Variants in ZNF385D observed in about 807,000 individuals in gnomAD.
ZNF385D encodes the protein zinc finger protein 659.
In ZNF385D, 15 loss-of-function variants were observed where a neutral mutation model predicts 35.8. The ratio of observed to expected loss-of-function variants is 0.42; its 90% CI spans 0.28 to 0.64. The LOEUF (loss-of-function observed/expected upper bound fraction) is 0.64. Ranked by LOEUF, ZNF385D falls within the 30% of genes least tolerant of loss-of-function variation. The pLI is 0.23. For missense variants in ZNF385D, 474 were observed against 494.6 expected, an observed-to-expected ratio of 0.96 and a Z score of 0.39; for synonymous variants, 212 against 186.8, an observed-to-expected ratio of 1.13 and a Z score of -1.10.
At chr3:22,158,677 C>T (rs920926589) in intron 3 of ZNF385D, among the ~76,000 whole-genome samples, 20 of 149,122 alleles carry the variant, frequency 1.3e-4, no homozygotes, top group African/African-American at 4.9e-4. Context: ...CACACACACA[C>T]ATACACACAC....
At chr3:21,480,004 A>G (rs1309184681) in intron 4 of ZNF385D, among the ~76,000 whole-genome samples, 1 of 152,106 alleles carries the variant, frequency 6.6e-6, no homozygotes, top group Non-Finnish European at 1.5e-5. Context: ...TACACTTTAC[A>G]TTAGTATCAT....
intron 3 of ZNF385D, among the ~76,000 whole-genome samples, chr3:22,063,338 T>C (rs1240081810): frequency 6.6e-6 from 1 of 152,164 alleles, no homozygotes; most frequent in East Asian, 1.9e-4. Context: ...CAAACATACA[T>C]CATTTTGATT....
At chr3:21,726,166 T>A (rs1486963544) in intron 1 of ZNF385D, among the ~76,000 whole-genome samples, 2 of 152,114 alleles carry the variant, frequency 1.3e-5, no homozygotes, top group Non-Finnish European at 2.9e-5. Context: ...TAGATATCGA[T>A]GGAACATATT....
At chr3:22,047,595 T>A (rs1484712769) in intron 3 of ZNF385D, among the ~76,000 whole-genome samples, 2 of 152,156 alleles carry the variant, frequency 1.3e-5, no homozygotes, top group Admixed American at 6.5e-5. Context: ...TGTTTAATGC[T>A]GAATAGTTCA....
chr3:21,541,293 G>A (rs2062169417), intron 3 of ZNF385D, among the ~76,000 whole-genome samples: 1 of 152,102 alleles, frequency 6.6e-6, no homozygotes, highest in Admixed American at 6.5e-5. Context: ...AAATGAATGG[G>A]TGCTACACAG....
chr3:21,773,296 T>C (rs544135301), intron 3 of ZNF385D, among the ~76,000 whole-genome samples: 1 of 151,950 alleles, frequency 6.6e-6, no homozygotes, highest in African/African-American at 2.4e-5. Flanking sequence ...ACCTGGAAAG[T>C]TCAAGCCTCT....
chr3:21,868,350 AATTCTATG>A, intron 3 of ZNF385D, among the ~76,000 whole-genome samples: 1 of 152,256 alleles, frequency 6.6e-6, no homozygotes, highest in Admixed American at 6.5e-5. Context: ...TGCTCATGAT[AATTCTATG>A]ATTTTATGAA....
chr3:21,661,568 G>A (rs578132692), intron 2 of ZNF385D, among the ~76,000 whole-genome samples: 2 of 152,242 alleles, frequency 1.3e-5, no homozygotes, highest in South Asian at 4.1e-4. Context: ...GAGGATCACT[G>A]GGATCAGAAT....
At chr3:22,124,872 C>T (rs1576361101) in intron 3 of ZNF385D, among the ~76,000 whole-genome samples, 1 of 152,032 alleles carries the variant, frequency 6.6e-6, no homozygotes, top group African/African-American at 2.4e-5. Flanking sequence ...TGCGTTGTTT[C>T]TTCACTTTGT....
chr3:22,223,164 A>G (rs1372752126), intron 2 of ZNF385D, among the ~76,000 whole-genome samples: 2 of 152,152 alleles, frequency 1.3e-5, no homozygotes, highest in African/African-American at 4.8e-5. Context: ...CAGTTTTCAG[A>G]AGCAATTATT....
intron 3 of ZNF385D, among the ~76,000 whole-genome samples, chr3:22,093,199 G>A (rs1306763850): frequency 7.2e-5 from 11 of 152,028 alleles, no homozygotes; most frequent in Admixed American, 7.2e-4. Flanking sequence ...AAATCACTTA[G>A]TTTTAAGACT....
chr3:21,742,507 G>A (rs945479473), intron 1 of ZNF385D, among the ~76,000 whole-genome samples: 13 of 152,190 alleles, frequency 8.5e-5, no homozygotes, highest in Non-Finnish European at 8.8e-5. Flanking sequence ...AGACGTAGAG[G>A]CTAAAGCCTG....
intron 3 of ZNF385D, among the ~76,000 whole-genome samples, chr3:21,969,929 A>G (rs1435970346): frequency 6.6e-6 from 1 of 152,046 alleles, no homozygotes; most frequent in Non-Finnish European, 1.5e-5. Flanking sequence ...ATTCCAGAGA[A>G]CTCTTCCAGA....
intron 2 of ZNF385D, among the ~76,000 whole-genome samples, chr3:22,362,119 CTT>C (rs978087738): frequency 2.6e-5 from 4 of 151,546 alleles, no homozygotes; most frequent in African/African-American, 9.7e-5. Context: ...ATTATGGAAA[CTT>C]TTACTTTTGT....
At chr3:22,132,393 G>A (rs541599985) in intron 3 of ZNF385D, among the ~76,000 whole-genome samples, 2 of 152,056 alleles carry the variant, frequency 1.3e-5, no homozygotes, top group Admixed American at 1.3e-4. Context: ...ATACATTTCT[G>A]CTATTTAAAA....
chr3:21,547,065 C>T (rs553806290), intron 3 of ZNF385D, among the ~76,000 whole-genome samples: 3 of 152,214 alleles, frequency 2.0e-5, no homozygotes, highest in African/African-American at 7.2e-5. Context: ...AGAATGCATG[C>T]TGAAACCCTG....
chr3:21,805,467 A>C (rs2125694589), intron 3 of ZNF385D, among the ~76,000 whole-genome samples: 1 of 152,344 alleles, frequency 6.6e-6, no homozygotes, highest in South Asian at 2.1e-4. Flanking sequence ...TAAGTGAATC[A>C]TGTCCATTCA....
chr3:21,716,716 A>C lies in ZNF385D; in HGVS notation c.22+34179T>G, dbSNP rs73822024. Among the ~76,000 whole-genome samples, 973 of 152,256 alleles carry C rather than the reference A, an allele frequency of 6.4e-3. 11 individuals are homozygous for C. Among genetic ancestry groups the C allele is most frequent in the African/African-American group, 0.023 (939 of 41,534 alleles). On this transcript the variant is annotated intron_variant, in intron 1 of 7. Transcript: ENST00000281523. ...TGTATTTTCATACAGCATAGAGAAC[A>C]CTTTACTTATTTATCTTGTTATATC...
intron 4 of ZNF385D, among the ~76,000 whole-genome samples, chr3:21,467,627 T>C (rs1370233171): frequency 2.0e-5 from 3 of 152,182 alleles, no homozygotes; most frequent in Non-Finnish European, 2.9e-5. Context: ...ATGGCATCTT[T>C]TTGTGGTATT....
Sources: gnomAD v4.1 joint callset for allele counts (sites outside exome capture counted in the v4.1 genomes callset) on GRCh38, gnomAD v4.1.1 for gene constraint, MANE v1.5 for transcripts, NCBI Gene and HGNC (gene_info 2026-07-23, HGNC 2026-07-21) for gene names.